The following LDLRAP1 variants were observed in gnomAD, a reference collection of about 807,000 sequenced individuals.
The protein encoded by LDLRAP1 is low density lipoprotein receptor adaptor protein 1.
A neutral mutation model predicts 37.8 loss-of-function variants in LDLRAP1; 30 were observed. The observed-to-expected ratio is 0.79, with a 90% CI of 0.59 to 1.08. LDLRAP1 has a LOEUF of 1.08. Ranked by LOEUF, LDLRAP1 falls within the 50% of genes least tolerant of loss-of-function variation. LDLRAP1 has a pLI of 0.00. For synonymous variants in LDLRAP1, 156 were observed against 169.8 expected (o/e 0.92, Z 0.63); for missense variants, 375 against 401.6 (o/e 0.93, Z 0.57).
chr1:25,572,776 G>A (rs150462323), downstream of LDLRAP1, among the ~76,000 whole-genome samples: 13 of 152,306 alleles, frequency 8.5e-5, no homozygotes, highest in African/African-American at 2.4e-4. Context: ...ATGTGATGTT[G>A]GTAAGAAGAG....
At chr1:25,575,423 TAAAA>T in the LDLRAP1 span, among the ~76,000 whole-genome samples, 2 of 108,768 alleles carry the variant, frequency 1.8e-5, no homozygotes, top group African/African-American at 7.4e-5. Context: ...CTGTCTCTAC[TAAAA>T]AAAAAAAAAA....
intron 1 of LDLRAP1, among the ~76,000 whole-genome samples, chr1:25,551,726 T>A (rs1196219675): frequency 6.6e-6 from 1 of 152,136 alleles, no homozygotes; most frequent in African/African-American, 2.4e-5. Context: ...AAGGTCATGT[T>A]GGGCTTTGGG....
At chr1:25,569,173 G>A (rs2044565651), downstream of LDLRAP1, among the ~76,000 whole-genome samples, 1 of 152,258 alleles carries the variant, frequency 6.6e-6, no homozygotes, top group Non-Finnish European at 1.5e-5. Flanking sequence ...GGGGACTGTG[G>A]CCAGGCTGTG....
At chr1:25,587,535 G>A in the LDLRAP1 span, among the ~76,000 whole-genome samples, 11 of 152,128 alleles carry the variant, frequency 7.2e-5, no homozygotes, top group Non-Finnish European at 1.2e-4. Flanking sequence ...CCTAATTTCC[G>A]AACAACAAAC....
the LDLRAP1 span, among the ~76,000 whole-genome samples, chr1:25,576,488 T>C: frequency 1.3e-5 from 2 of 152,216 alleles, no homozygotes; most frequent in Non-Finnish European, 2.9e-5. Flanking sequence ...ACCGTGCCAC[T>C]GCGCTCTAGC....
At position 25,548,457 on chromosome 1, in the gene LDLRAP1, C is replaced by T. The variant is rs113794114; in HGVS notation, c.88+4671C>T. Among the ~76,000 whole-genome samples, 374 of 149,856 alleles carry T rather than the reference C, an allele frequency of 2.5e-3. 1 individual carries two copies. The highest frequency in any genetic ancestry group is 8.8e-3 in the African/African-American group (358 of 40,714). ...CCACCTCCTTGGTTTAAGTGATTCT[C>T]CTGCCTCAGCCTCCCAAGTAGCTGG... On this transcript the variant is annotated intron_variant, in intron 1 of 8. Transcript: ENST00000374338.
At chr1:25,556,946 ATTCC>A (rs1557702718) in intron 3 of LDLRAP1, among the ~76,000 whole-genome samples, 1 of 152,112 alleles carries the variant, frequency 6.6e-6, no homozygotes, top group Admixed American at 6.5e-5. Flanking sequence ...TCTTTACCCC[ATTCC>A]TTCCTTCCTG....
At chr1:25,574,310 G>C in the LDLRAP1 span, among the ~76,000 whole-genome samples, 1 of 152,176 alleles carries the variant, frequency 6.6e-6, no homozygotes, top group Non-Finnish European at 1.5e-5. Flanking sequence ...CTCAGTGTGG[G>C]GTCTCGAGGA....
chr1:25,584,243 C>T, the LDLRAP1 span, among the ~76,000 whole-genome samples: 1 of 152,108 alleles, frequency 6.6e-6, no homozygotes, highest in Admixed American at 6.5e-5. Context: ...CAATGCCCCC[C>T]AACCCCCTGC....
At chr1:25,571,788 G>A (rs1437550824), downstream of LDLRAP1, among the ~76,000 whole-genome samples, 1 of 152,216 alleles carries the variant, frequency 6.6e-6, no homozygotes, top group Non-Finnish European at 1.5e-5. Flanking sequence ...CCAGCACAGA[G>A]GTACTGGATC....
the LDLRAP1 span, among the ~76,000 whole-genome samples, chr1:25,580,026 CAAGGAGCTCAGGCAATCGGCTGG>C: frequency 6.6e-5 from 10 of 152,204 alleles, no homozygotes; most frequent in Non-Finnish European, 2.9e-5. Flanking sequence ...GGAAAGACAC[CAAGGAGCTCAGGCAATCGGCTGG>C]AGAAGTGGGC....
At chr1:25,587,478 C>T in the LDLRAP1 span, among the ~76,000 whole-genome samples, 1 of 152,124 alleles carries the variant, frequency 6.6e-6, no homozygotes, top group Non-Finnish European at 1.5e-5. Flanking sequence ...AATTTCAGTC[C>T]TGACCTCCGT....
At chr1:25,550,555 G>C (rs760582090) in intron 1 of LDLRAP1, among the ~76,000 whole-genome samples, 9 of 152,150 alleles carry the variant, frequency 5.9e-5, no homozygotes, top group Admixed American at 3.3e-4. Flanking sequence ...CTTGGGGTAG[G>C]GGGTATGTAG....
rs1415049049 is a variant in LDLRAP1, at chr1:25,555,875, C to G, written c.344+903C>G. On this transcript the variant is annotated intron_variant, in intron 3 of 8. Transcript: ENST00000374338. This position sits in a 1 kb window ranked among gnomAD's most constrained non-coding sequence, Gnocchi z 4.7. ...TCATTGCCCTCAAGGAGCTTCCACT[C>G]TAGTTGGGTATAGTCGGGAGGAAAC... Among the ~76,000 whole-genome samples, 1 of 152,148 alleles carries G rather than the reference C, an allele frequency of 6.6e-6. No homozygotes were observed. Among genetic ancestry groups the G allele is most frequent in the Admixed American group, 6.6e-5 (1 of 15,264 alleles).
chr1:25,564,325 G>C, intron 7 of LDLRAP1: 1 of 187,644 alleles, frequency 5.3e-6, no homozygotes, highest in East Asian at 1.3e-4. Flanking sequence ...ATTTCAGACT[G>C]TGTTACAAAA....
intron 4 of LDLRAP1, among the ~76,000 whole-genome samples, chr1:25,558,721 A>G (rs541071250): frequency 6.6e-6 from 1 of 152,258 alleles, no homozygotes; most frequent in Admixed American, 6.5e-5. Flanking sequence ...CCTTCTGATG[A>G]CATTTGGACA....
At position 25,567,094 on chromosome 1, in the gene LDLRAP1, G is replaced by T; in HGVS notation, c.*102G>T. 1 of 1,416,550 alleles carries T rather than the reference G, an allele frequency of 7.1e-7. No homozygotes were observed. Among genetic ancestry groups the T allele is most frequent in the Non-Finnish European group, 9.8e-7 (1 of 1,020,118 alleles). The allele number at this position is 1,416,550 out of a possible 1,614,324, so 87.7% of individuals were successfully genotyped here. A position where few individuals can be genotyped will look rare whatever the true frequency, so the allele number is the denominator to read the frequency against. On this transcript the variant is annotated 3_prime_UTR_variant, in exon 9 of 9. Transcript: ENST00000374338. Reference sequence around the variant, plus strand: ...TGGGGCCCGCCTGCCACCTCTCCCAGCCCTCAGCATTGTCAGCCTGAAGAT... The same window carrying T: ...TGGGGCCCGCCTGCCACCTCTCCCATCCCTCAGCATTGTCAGCCTGAAGAT...
Position 25,554,759 on chromosome 1 carries a change from A to T in LDLRAP1, c.232-101A>T. 2.3e-6 allele frequency: 2 copies of T among 885,212 alleles called. No homozygotes were observed. Among genetic ancestry groups the T allele is most frequent in the Non-Finnish European group, 3.7e-6 (2 of 545,050 alleles). 54.8% of individuals were successfully genotyped at this position (885,212 alleles called of 1,614,324 possible). A position where few individuals can be genotyped will look rare whatever the true frequency, so the allele number is the denominator to read the frequency against. On this transcript the variant is annotated intron_variant, in intron 2 of 8. Transcript: ENST00000374338. This position sits in a 1 kb window ranked among gnomAD's most constrained non-coding sequence, Gnocchi z 5.4. Reference sequence around the variant, plus strand: ...ACTGCTGCCAGTCACCTGAGCTGAGATGGGCCCCGTGCCTGGGGCTTAGGA... The same window carrying T: ...ACTGCTGCCAGTCACCTGAGCTGAGTTGGGCCCCGTGCCTGGGGCTTAGGA...
downstream of LDLRAP1, among the ~76,000 whole-genome samples, chr1:25,573,703 A>G (rs2044635342): frequency 6.6e-6 from 1 of 152,170 alleles, no homozygotes; most frequent in Non-Finnish European, 1.5e-5. Flanking sequence ...TGCACACGTT[A>G]CGTAATCCTT....
Sources: gnomAD v4.1 joint callset for allele counts (sites outside exome capture counted in the v4.1 genomes callset) on GRCh38, gnomAD v4.1.1 for gene constraint, Gnocchi (gnomAD v3.1) non-coding constraint, MANE v1.5 for transcripts, NCBI Gene and HGNC (gene_info 2026-07-23, HGNC 2026-07-21) for gene names.